GRAMD1B: variants seen among roughly 807,000 people sequenced by gnomAD.
GRAMD1B encodes the protein protein Aster-B.
Under a neutral mutation model 99.7 loss-of-function variants are expected in GRAMD1B, and 37 were observed. That is an observed-to-expected ratio of 0.37 (90% CI 0.29 to 0.49). GRAMD1B has a LOEUF of 0.49. Among genes scored for constraint, GRAMD1B ranks in the 20% least tolerant of loss-of-function variants. The pLI is 0.98. For missense variants in GRAMD1B, 888 were observed against 1,009.2 expected (o/e 0.88, Z 1.63); for synonymous variants, 427 against 387.6 (o/e 1.10, Z -1.19).
At chr11:123,616,197 C>T (rs1358680994) in intron 17 of GRAMD1B, among the ~76,000 whole-genome samples, 4 of 152,140 alleles carry the variant, frequency 2.6e-5, no homozygotes, top group African/African-American at 9.7e-5. Flanking sequence ...TGGCAGGTGC[C>T]TGTAGTCCCA....
At chr11:123,523,203 G>A (rs780657776) in intron 2 of GRAMD1B, among the ~76,000 whole-genome samples, 43 of 152,238 alleles carry the variant, frequency 2.8e-4, no homozygotes, top group Non-Finnish European at 4.6e-4. Flanking sequence ...ATCGTGGTGC[G>A]TGCCTGTAAT....
intron 1 of GRAMD1B, among the ~76,000 whole-genome samples, chr11:123,449,236 T>A (rs935635450): frequency 6.6e-6 from 1 of 152,232 alleles, no homozygotes; most frequent in Non-Finnish European, 1.5e-5. Context: ...GTTTATTAGA[T>A]CCTACACACT....
At chr11:123,489,724 G>T (rs962754159) in intron 2 of GRAMD1B, among the ~76,000 whole-genome samples, 2 of 152,224 alleles carry the variant, frequency 1.3e-5, no homozygotes, top group Non-Finnish European at 2.9e-5. Context: ...AGGATACCTA[G>T]AGGAGAAAGC....
intron 4 of GRAMD1B, among the ~76,000 whole-genome samples, chr11:123,584,688 G>C (rs1022219140): frequency 7.9e-5 from 12 of 152,086 alleles, no homozygotes. Flanking sequence ...CCTGAACTTA[G>C]TTTTCTTCCC....
chr11:123,599,471 T>C, intron 7 of GRAMD1B: 1 of 604,366 alleles, frequency 1.7e-6, no homozygotes, highest in Admixed American at 1.9e-5. Flanking sequence ...CACCACGGCC[T>C]CTCGTTGTTG....
chr11:123,525,920 C>A, intron 2 of GRAMD1B: 1 of 571,186 alleles, frequency 1.8e-6, no homozygotes, highest in Non-Finnish European at 3.1e-6. Context: ...CAGAATCTGT[C>A]CTTTGCCTCC....
chr11:123,405,501 G>A (rs766584839), intron 1 of GRAMD1B, among the ~76,000 whole-genome samples: 7 of 152,186 alleles, frequency 4.6e-5, no homozygotes, highest in African/African-American at 9.7e-5. Flanking sequence ...AGTCAAGGAC[G>A]GGCACAAGGC....
chr11:123,550,135 G>A (rs1181095762), intron 2 of GRAMD1B, among the ~76,000 whole-genome samples: 47 of 152,250 alleles, frequency 3.1e-4, no homozygotes, highest in Non-Finnish European at 4.4e-4. Flanking sequence ...ATCCGTGAGC[G>A]CTCCTGATTG....
chr11:123,412,171 T>A (rs1042981625), intron 1 of GRAMD1B, among the ~76,000 whole-genome samples: 1 of 152,238 alleles, frequency 6.6e-6, no homozygotes, highest in Non-Finnish European at 1.5e-5. Flanking sequence ...ATGTTTATAT[T>A]TGTAATTAGT....
At chr11:123,439,748 T>G (rs1478957402) in intron 1 of GRAMD1B, among the ~76,000 whole-genome samples, 1 of 152,168 alleles carries the variant, frequency 6.6e-6, no homozygotes, top group Admixed American at 6.5e-5. Flanking sequence ...CTAACAGACC[T>G]ATTACATCTC....
At chr11:123,412,437 A>C (rs1042866975) in intron 1 of GRAMD1B, among the ~76,000 whole-genome samples, 4 of 152,254 alleles carry the variant, frequency 2.6e-5, no homozygotes, top group Non-Finnish European at 4.4e-5. Flanking sequence ...TCTTTCATGC[A>C]GAAAGAGACT....
intron 2 of GRAMD1B, among the ~76,000 whole-genome samples, chr11:123,483,732 G>A (rs1025436158): frequency 3.3e-5 from 5 of 152,102 alleles, no homozygotes; most frequent in African/African-American, 1.2e-4. Context: ...CCGCAGATAA[G>A]GGGGGACTGC....
chr11:123,559,420 T>C (rs968628416), intron 2 of GRAMD1B, among the ~76,000 whole-genome samples: 2 of 152,210 alleles, frequency 1.3e-5, no homozygotes, highest in African/African-American at 4.8e-5. Context: ...CAGGACTCAG[T>C]TTCCAGATCC....
chr11:123,600,449 A>AT lies in GRAMD1B; in HGVS notation c.970-15dup. On this transcript the variant is annotated intron_variant, in intron 7 of 19. Transcript: ENST00000635736. ...TGTAACTCAACAGATATTTATTGTT[A>AT]TTTTCTTTTCCAATCTAGCACTTCT... 1 of 1,506,864 alleles carries AT rather than the reference A, an allele frequency of 6.6e-7. No individual in the cohort carries two copies. Among genetic ancestry groups the AT allele is most frequent in the Non-Finnish European group, 9.2e-7 (1 of 1,084,848 alleles). 93.3% of individuals were successfully genotyped at this position (1,506,864 alleles called of 1,614,324 possible).
chr11:123,469,587 G>A (rs1316699645), intron 1 of GRAMD1B, among the ~76,000 whole-genome samples: 4 of 152,048 alleles, frequency 2.6e-5, no homozygotes, highest in Non-Finnish European at 5.9e-5. Flanking sequence ...TTCAGTGGTG[G>A]GAATGCTCAG....
intron 1 of GRAMD1B, chr11:123,435,435 T>C (rs1303070673): frequency 8.5e-6 from 6 of 702,674 alleles, no homozygotes; most frequent in Non-Finnish European, 1.6e-5. Flanking sequence ...GACTTGAAGC[T>C]CAAGCTTGCG....
At chr11:123,480,633 T>C (rs2846059) in intron 1 of GRAMD1B, 183 bp from the exon 2 acceptor site, 280,056 of 381,064 alleles carry the variant, frequency 0.73, 104,386 homozygotes, top group African/African-American at 0.92. Context: ...GGGGATTTTA[T>C]CAGCCTTGTG....
chr11:123,619,569 G>T (rs1954864883), intron 19 of GRAMD1B: 2 of 1,168,518 alleles, frequency 1.7e-6, no homozygotes, highest in Non-Finnish European at 2.1e-6. Flanking sequence ...CTTTTACAGA[G>T]ATTTGTCTTC....
chr11:123,528,461 A>C (rs770580028), intron 2 of GRAMD1B, among the ~76,000 whole-genome samples: 1 of 152,234 alleles, frequency 6.6e-6, no homozygotes, highest in East Asian at 1.9e-4. Flanking sequence ...CAAGCACCAC[A>C]GTAAACTCAC....
Sources: gnomAD v4.1 joint callset for allele counts (sites outside exome capture counted in the v4.1 genomes callset) on GRCh38, gnomAD v4.1.1 for gene constraint, MANE v1.5 for transcripts, NCBI Gene and HGNC (gene_info 2026-07-23, HGNC 2026-07-21) for gene names.